The following TRPM3 variants were observed in gnomAD, a reference collection of about 807,000 sequenced individuals.
TRPM3 encodes long transient receptor potential channel 3.
Under a neutral mutation model 181.2 loss-of-function variants are expected in TRPM3, and 77 were observed. The ratio of observed to expected loss-of-function variants is 0.42; its 90% confidence interval spans 0.35 to 0.51. The LOEUF is 0.51. TRPM3 is among the 20% of genes least tolerant of loss of function. The probability of loss-of-function intolerance (pLI) is 0.01; values close to 1 mark genes in which losing one functional copy is unlikely to be tolerated. For synonymous variants in TRPM3, 745 were observed against 796.4 expected (o/e 0.94, Z 1.09); for missense variants, 1,759 against 2,196.7 (o/e 0.80, Z 3.98).
At chr9:71,032,390 A>G (rs1286592180) in intron 1 of TRPM3, among the ~76,000 whole-genome samples, 1 of 151,134 alleles carries the variant, frequency 6.6e-6, no homozygotes, top group Non-Finnish European at 1.5e-5. Flanking sequence ...CCTGAGTCCA[A>G]TTAACCCACC....
chr9:70,959,188 TA>T (rs368832721), intron 1 of TRPM3, among the ~76,000 whole-genome samples: 55 of 148,598 alleles, frequency 3.7e-4, no homozygotes, highest in East Asian at 9.8e-4. Flanking sequence ...ATGTCACCTG[TA>T]AAAAAAAAAT....
At chr9:70,939,838 T>G (rs931664620) in intron 1 of TRPM3, among the ~76,000 whole-genome samples, 1 of 152,184 alleles carries the variant, frequency 6.6e-6, no homozygotes, top group Non-Finnish European at 1.5e-5. Flanking sequence ...ATTGATAACA[T>G]AAGATGTTGC....
intron 1 of TRPM3, among the ~76,000 whole-genome samples, chr9:70,957,605 T>A (rs1032154885): frequency 2.0e-5 from 3 of 152,232 alleles, no homozygotes; most frequent in Non-Finnish European, 4.4e-5. Context: ...AGCAGCATGC[T>A]TGGCTGCATT....
intron 1 of TRPM3, among the ~76,000 whole-genome samples, chr9:71,404,938 G>A (rs547744763): frequency 6.6e-6 from 1 of 152,058 alleles, no homozygotes; most frequent in Non-Finnish European, 1.5e-5. Context: ...TGCATTGTAA[G>A]GTCCTCTTCA....
chr9:70,585,031 A>G (rs1323770194), intron 22 of TRPM3, among the ~76,000 whole-genome samples: 8 of 152,190 alleles, frequency 5.3e-5, no homozygotes, highest in Non-Finnish European at 5.9e-5. Flanking sequence ...GGTGATTATA[A>G]GACATCACTC....
intron 1 of TRPM3, among the ~76,000 whole-genome samples, chr9:71,290,307 C>A (rs2085696195): frequency 6.6e-6 from 1 of 151,648 alleles, no homozygotes; most frequent in African/African-American, 2.4e-5. Flanking sequence ...TAATGTAATT[C>A]AGAATACCAA....
intron 1 of TRPM3, among the ~76,000 whole-genome samples, chr9:71,010,048 A>T (rs377333894): frequency 3.3e-5 from 5 of 152,204 alleles, no homozygotes; most frequent in East Asian, 1.9e-4. Context: ...ATTAAACTAG[A>T]CACTTATTTC....
chr9:71,327,444 G>C (rs1036851511), intron 1 of TRPM3, among the ~76,000 whole-genome samples: 2 of 152,128 alleles, frequency 1.3e-5, no homozygotes, highest in African/African-American at 4.8e-5. Flanking sequence ...TGGTTTTCCA[G>C]GGATATAGAG....
At chr9:71,013,989 T>C (rs1298862512) in intron 1 of TRPM3, among the ~76,000 whole-genome samples, 5 of 151,400 alleles carry the variant, frequency 3.3e-5, no homozygotes, top group Admixed American at 1.3e-4. Flanking sequence ...CCCAACTTCC[T>C]TACGGAGTGT....
intron 1 of TRPM3, among the ~76,000 whole-genome samples, chr9:71,331,876 A>AGAGG (rs1565470664): frequency 2.4e-5 from 1 of 41,786 alleles, no homozygotes; most frequent in Non-Finnish European, 5.1e-5. Context: ...AGGAGGAAGA[A>AGAGG]AGAGGAGGAA....
At chr9:70,835,393 G>A (rs530530721) in intron 5 of TRPM3, among the ~76,000 whole-genome samples, 13 of 151,688 alleles carry the variant, frequency 8.6e-5, no homozygotes, top group South Asian at 6.3e-4. Context: ...TTAAGGCTTC[G>A]AAATGTGTCT....
At chr9:71,255,178 T>C (rs1433777149) in intron 1 of TRPM3, among the ~76,000 whole-genome samples, 1 of 152,226 alleles carries the variant, frequency 6.6e-6, no homozygotes. Context: ...GCATTCCCAG[T>C]GCCTCATGTC....
At position 70,991,924 on chromosome 9, in the gene TRPM3, T is replaced by G. The variant is rs550523715; in HGVS notation, c.178-127413A>C. On this transcript the variant is annotated intron_variant, in intron 1 of 25. Transcript: ENST00000677713. ...CATGCTGTTCCTTCTGATAAAAATG[T>G]CTTTCCTCACTTTACTGCTGGTAAA... 5.3e-5 allele frequency among the ~76,000 whole-genome samples: 8 copies of G among 152,302 alleles called. No homozygotes were observed. The South Asian group carries it at 1.7e-3, about 32-fold the overall frequency.
intron 7 of TRPM3, among the ~76,000 whole-genome samples, chr9:70,780,532 AT>A (rs5898166): frequency 6.0e-5 from 9 of 149,442 alleles, no homozygotes; most frequent in East Asian, 2.0e-4. Flanking sequence ...TAGGTGGGCC[AT>A]TTTTTTTTTC....
Position 71,027,153 on chromosome 9 carries a change from G to C in TRPM3, c.177+94025C>G, listed in dbSNP as rs2056655925. On this transcript the variant is annotated intron_variant, in intron 1 of 25. Transcript: ENST00000677713. ...CTCAAGGAGCTAGATAACAAAGCCA[G>C]GGCCCAATATCAGTCCCCCAGAGTA... is the stretch of plus-strand genomic sequence containing the variant. Among the ~76,000 whole-genome samples the C allele has an allele frequency of 2.0e-5, 3 of 152,258 alleles. No homozygotes were observed. The South Asian group carries it at 6.2e-4, about 32-fold the overall frequency.
intron 1 of TRPM3, among the ~76,000 whole-genome samples, chr9:71,309,804 C>T (rs1477520868): frequency 3.4e-5 from 5 of 145,658 alleles, no homozygotes; most frequent in Non-Finnish European, 7.8e-5. Flanking sequence ...ATGAAAGTAT[C>T]ATGGCAGAAT....
chr9:70,875,243 C>A (rs372271951), intron 1 of TRPM3, among the ~76,000 whole-genome samples: 6 of 151,896 alleles, frequency 4.0e-5, no homozygotes, highest in Non-Finnish European at 5.9e-5. Flanking sequence ...TCAAGGTCAG[C>A]CCCAATTCCT....
intron 2 of TRPM3, among the ~76,000 whole-genome samples, chr9:70,864,108 G>T (rs960462911): frequency 6.6e-6 from 1 of 151,962 alleles, no homozygotes; most frequent in Non-Finnish European, 1.5e-5. Flanking sequence ...GAACGTGTTG[G>T]TACTAACTAA....
At chr9:70,978,752 C>A (rs753182500) in intron 1 of TRPM3, among the ~76,000 whole-genome samples, 4 of 152,164 alleles carry the variant, frequency 2.6e-5, no homozygotes, top group Admixed American at 2.0e-4. Flanking sequence ...GTTTTGTTGG[C>A]AGATGGCTGT....
Sources: allele counts gnomAD v4.1 joint callset (sites outside exome capture counted in the v4.1 genomes callset), GRCh38; gene constraint gnomAD v4.1.1; transcripts MANE v1.5; gene names NCBI Gene and HGNC (gene_info 2026-07-23, HGNC 2026-07-21).